SNX18: variants seen among roughly 807,000 people sequenced by gnomAD.
The protein encoded by SNX18 is sorting nexin 18.
In SNX18, 35 loss-of-function variants were observed where a neutral mutation model predicts 48.7. That is an observed-to-expected ratio of 0.72 (90% CI 0.55 to 0.95). The LOEUF is 0.95. Among genes scored for constraint, SNX18 ranks in the 40% least tolerant of loss-of-function variants. The probability of loss-of-function intolerance (pLI) is 0.00; values close to 1 mark genes in which losing one functional copy is unlikely to be tolerated. For synonymous variants in SNX18, 492 were observed against 384.7 expected, an observed-to-expected ratio of 1.28 and a Z score of -3.26; for missense variants, 824 against 871.0, an observed-to-expected ratio of 0.95 and a Z score of 0.68.
At chr5:54,521,981 A>G (rs1762040825) in intron 1 of SNX18, among the ~76,000 whole-genome samples, 1 of 152,228 alleles carries the variant, frequency 6.6e-6, no homozygotes, top group South Asian at 2.1e-4. Flanking sequence ...ATTCAAGAGC[A>G]CTAAACATAA....
chr5:54,582,874 G>A, the SNX18 span, among the ~76,000 whole-genome samples: 1 of 152,162 alleles, frequency 6.6e-6, no homozygotes, highest in Non-Finnish European at 1.5e-5. Flanking sequence ...CATGATAGCT[G>A]GTTCTGGGGA....
chr5:54,603,311 G>GTA, the SNX18 span, among the ~76,000 whole-genome samples: 6 of 151,710 alleles, frequency 4.0e-5, no homozygotes. Flanking sequence ...CACAACCATA[G>GTA]TACACTGGAG....
the SNX18 span, among the ~76,000 whole-genome samples, chr5:54,587,002 T>C: frequency 4.3e-5 from 6 of 138,210 alleles, no homozygotes; most frequent in African/African-American, 1.3e-4. Context: ...TTTTTTTTTT[T>C]CCTGAGCAGC....
At chr5:54,554,308 A>G in the SNX18 span, among the ~76,000 whole-genome samples, 2 of 152,106 alleles carry the variant, frequency 1.3e-5, no homozygotes, top group African/African-American at 4.8e-5. Flanking sequence ...CAGTGCCTGG[A>G]CCCCACTTTA....
the SNX18 span, among the ~76,000 whole-genome samples, chr5:54,615,163 C>T: frequency 5.9e-5 from 9 of 152,156 alleles, no homozygotes; most frequent in Non-Finnish European, 1.2e-4. Flanking sequence ...TCTAACAATA[C>T]GATCATTCAT....
At chr5:54,628,915 C>T in the SNX18 span, among the ~76,000 whole-genome samples, 1 of 152,200 alleles carries the variant, frequency 6.6e-6, no homozygotes, top group African/African-American at 2.4e-5. Context: ...CGAGAAAACC[C>T]TTTGTTTTCA....
chr5:54,613,946 C>T, the SNX18 span, among the ~76,000 whole-genome samples: 4 of 152,146 alleles, frequency 2.6e-5, no homozygotes, highest in Non-Finnish European at 4.4e-5. Flanking sequence ...CTGCCTGCCT[C>T]GGCCTCTCAA....
At chr5:54,615,450 TCTC>T in the SNX18 span, among the ~76,000 whole-genome samples, 9,883 of 152,246 alleles carry the variant, frequency 0.065, 413 homozygotes, top group East Asian at 0.17. Flanking sequence ...GCTTGGGTCA[TCTC>T]CTCTGTAAGG....
chr5:54,628,167 C>A, the SNX18 span, among the ~76,000 whole-genome samples: 7 of 152,128 alleles, frequency 4.6e-5, no homozygotes, highest in Admixed American at 4.6e-4. Flanking sequence ...GCAGGATAAT[C>A]ATTTGGAAGT....
the SNX18 span, among the ~76,000 whole-genome samples, chr5:54,596,026 G>A: frequency 1.3e-5 from 2 of 151,974 alleles, no homozygotes; most frequent in Non-Finnish European, 2.9e-5. Context: ...TCTCTTCTTG[G>A]CTACTAGGCT....
chr5:54,602,267 A>G, the SNX18 span, among the ~76,000 whole-genome samples: 1 of 152,190 alleles, frequency 6.6e-6, no homozygotes, highest in African/African-American at 2.4e-5. Flanking sequence ...GCCGCATAAT[A>G]TGGAGACAGC....
chr5:54,570,866 G>C, the SNX18 span, among the ~76,000 whole-genome samples: 7 of 152,174 alleles, frequency 4.6e-5, no homozygotes, highest in African/African-American at 1.4e-4. Context: ...ATTCAGTAAG[G>C]CTTTAAGTAT....
Position 54,519,068 on chromosome 5 carries a change from C to T in SNX18, c.1116C>T (p.Cys372=), listed in dbSNP as rs1761950602. 5 of 1,613,728 alleles carry T rather than the reference C, an allele frequency of 3.1e-6. No individual in the cohort carries two copies. The highest frequency in any genetic ancestry group is 1.7e-6 in the Non-Finnish European group (2 of 1,179,970). Reference sequence around the variant, plus strand: ...CCAGCCACCCAGTGCTGGCGCAGTGCGACGTCTTCCAGCACTTCCTGACGT... The same window carrying T: ...CCAGCCACCCAGTGCTGGCGCAGTGTGACGTCTTCCAGCACTTCCTGACGT... ...HMASHPVLAQ[C]DVFQHFLTCP... The change falls in exon 1 of 2, where the codon TGC becomes TGT. Residue 372 remains cysteine (C), a synonymous_variant. Coordinates refer to ENST00000381410, the MANE Select transcript of SNX18 (RefSeq NM_001102575.2).
chr5:54,551,734 C>A, the SNX18 span, among the ~76,000 whole-genome samples: 27 of 152,278 alleles, frequency 1.8e-4, no homozygotes, highest in South Asian at 5.6e-3. Context: ...TTGAGACTAC[C>A]AGGCAAACAT....
chr5:54,580,453 T>C, the SNX18 span, among the ~76,000 whole-genome samples: 1 of 152,240 alleles, frequency 6.6e-6, no homozygotes, highest in African/African-American at 2.4e-5. Context: ...TTTATTATTT[T>C]AAGGTTCCTA....
At chr5:54,612,756 C>T in the SNX18 span, among the ~76,000 whole-genome samples, 1 of 152,162 alleles carries the variant, frequency 6.6e-6, no homozygotes, top group South Asian at 2.1e-4. Flanking sequence ...ATGTTCCTAG[C>T]TGGTCTCTAT....
At chr5:54,625,806 C>A in the SNX18 span, among the ~76,000 whole-genome samples, 1 of 152,090 alleles carries the variant, frequency 6.6e-6, no homozygotes, top group African/African-American at 2.4e-5. Flanking sequence ...ACCTGGCCAA[C>A]GAGACTTCAC....
chr5:54,572,774 ATTTTTTTTTTTT>A, the SNX18 span, among the ~76,000 whole-genome samples: 87 of 38,352 alleles, frequency 2.3e-3, no homozygotes, highest in South Asian at 5.3e-3. Flanking sequence ...ATATATATAT[ATTTTTTTTTTTT>A]TTTTTTTTTT....
intron 1 of SNX18, 98 bp from the exon 2 acceptor site, chr5:54,543,081 A>C: frequency 8.4e-7 from 1 of 1,195,594 alleles, no homozygotes; most frequent in South Asian, 1.8e-5. Flanking sequence ...TAGTTTGGGC[A>C]ACTATTTATA....
Sources: gnomAD v4.1 joint callset for allele counts (sites outside exome capture counted in the v4.1 genomes callset) on GRCh38, gnomAD v4.1.1 for gene constraint, MANE v1.5 for transcripts, NCBI Gene and HGNC (gene_info 2026-07-23, HGNC 2026-07-21) for gene names.